DST: variants seen among roughly 807,000 people sequenced by gnomAD.
DST encodes the protein dystonin, also known as bullous pemphigoid antigen.
A neutral mutation model predicts 875.2 loss-of-function variants in DST; 253 were observed. The ratio of observed to expected loss-of-function variants is 0.29; its 90% CI spans 0.26 to 0.32. DST has a LOEUF of 0.32. Ranked by LOEUF, DST falls within the 10% of genes least tolerant of loss-of-function variation. The pLI is 1.00. For synonymous variants in DST, 3,124 were observed against 3,197.1 expected (o/e 0.98, Z 0.77); for missense variants, 8,287 against 9,111.6 (o/e 0.91, Z 3.68).
chr6:56,604,272 A>G lies in DST; in HGVS notation c.10356T>C (p.Asp3452=), dbSNP rs777627220. 25 of 1,611,768 alleles carry G rather than the reference A, an allele frequency of 1.6e-5. No individual in the cohort carries two copies. The South Asian group carries it at 2.6e-4, about 17-fold the overall frequency. ...SELLLNILKQ[D]QHSQKITGVF... is the part of the protein sequence containing the mutation. ...CTCCTGTAATTTTTTGGCTATGTTG[A>G]TCTTGCTTCAATATATTAAGGAGAA... is the stretch of plus-strand genomic sequence containing the variant. The change falls in exon 40 of 104, where the codon GAT becomes GAC. Residue 3452 remains aspartate (D), a synonymous_variant. Transcript: ENST00000680361.
intron 3 of DST, among the ~76,000 whole-genome samples, chr6:56,872,424 A>G (rs1286268428): frequency 1.3e-5 from 2 of 152,170 alleles, no homozygotes; most frequent in Non-Finnish European, 2.9e-5. Context: ...CAAGAGGATG[A>G]GGTGGAGGAA....
chr6:56,855,946 AT>A (rs1274748020), intron 3 of DST, among the ~76,000 whole-genome samples: 2 of 151,508 alleles, frequency 1.3e-5, no homozygotes, highest in African/African-American at 4.9e-5. Flanking sequence ...CCAGGAATTC[AT>A]TTTTTTTTCT....
At chr6:56,585,587 T>C (rs1237611532) in intron 49 of DST, among the ~76,000 whole-genome samples, 1 of 152,190 alleles carries the variant, frequency 6.6e-6, no homozygotes, top group African/African-American at 2.4e-5. Context: ...TTTGTGTCTC[T>C]ATTTCCTTCA....
chr6:56,594,532 T>C (rs1472148318), intron 47 of DST, among the ~76,000 whole-genome samples: 3 of 152,228 alleles, frequency 2.0e-5, no homozygotes, highest in Non-Finnish European at 4.4e-5. Context: ...TATTCCCTGC[T>C]TTCTCACAAC....
Position 56,908,048 on chromosome 6 carries a change from G to A in DST, c.217-7427C>T, listed in dbSNP as rs1797172009. Among the ~76,000 whole-genome samples the A allele has an allele frequency of 3.3e-5, 5 of 150,030 alleles. No individual in the cohort carries two copies. The South Asian group carries it at 1.0e-3, about 31-fold the overall frequency. On this transcript the variant is annotated intron_variant, in intron 2 of 103. Transcript: ENST00000680361. ...TGCACCACTGCACTCCAGCCTGGGAGGCGGAGTGAGACTTCGTCAAAACAA... is the reference window on the plus strand; with the variant it reads ...TGCACCACTGCACTCCAGCCTGGGAAGCGGAGTGAGACTTCGTCAAAACAA...
intron 91 of DST, 134 bp from the exon 92 acceptor site, chr6:56,476,471 G>A: frequency 1.4e-6 from 1 of 719,938 alleles, no homozygotes; most frequent in Middle Eastern, 3.2e-4. Context: ...GGTCTTTTTA[G>A]ATTCCATTAG....
Position 56,606,625 on chromosome 6 carries a change from G to A in DST, c.8003C>T (p.Ser2668Phe), listed in dbSNP as rs267601088. 1.2e-6 allele frequency: 2 copies of A among 1,613,378 alleles called. No homozygotes were observed. Among genetic ancestry groups the A allele is most frequent in the African/African-American group, 2.7e-5 (2 of 74,854 alleles). The change falls in exon 40 of 104, where the codon TCC becomes TTC. Residue 2668 changes from serine to phenylalanine, a missense_variant. Physicochemically the swap from Ser to Phe is radical, Grantham distance 155. Around this residue, in one of 10 missense-constraint regions of DST, gnomAD observed 3,138 missense variants for 3,116.6 expected, o/e 1.01. Coordinates refer to ENST00000680361, the MANE Select transcript of DST (RefSeq NM_001374736.1). ...FYDVSKENEN[S>F]MVPQGAPVGS... ...AACTGGTGCCCCCTGGGGAACCATGGAATTTTCATTCTCTTTTGAGACATC... is the reference window on the plus strand; with the variant it reads ...AACTGGTGCCCCCTGGGGAACCATGAAATTTTCATTCTCTTTTGAGACATC...
intron 9 of DST, among the ~76,000 whole-genome samples, chr6:56,682,378 G>A (rs138249403): frequency 3.9e-5 from 6 of 152,184 alleles, no homozygotes; most frequent in East Asian, 3.9e-4. Flanking sequence ...CTCAAAAACT[G>A]ACATAAAAAT....
chr6:56,629,458 T>A lies in DST; in HGVS notation c.4282-15A>T. 1 of 1,595,096 alleles carries A rather than the reference T, an allele frequency of 6.3e-7. No homozygotes were observed. Among genetic ancestry groups the A allele is most frequent in the South Asian group, 1.1e-5 (1 of 90,628 alleles). ...GATCTCCATTGCTAAAATACATTAA[T>A]TGGTAAAAGTTATAAAAATGTTAAC... On this transcript the variant is annotated splice_polypyrimidine_tract_variant and intron_variant, in intron 31 of 103. Coordinates refer to ENST00000680361, the MANE Select transcript of DST (RefSeq NM_001374736.1).
In DST at chr6:56,640,467, T is replaced by G. The variant is rs1357819424; in HGVS notation, c.2166A>C (p.Ala722=). 5 of 1,614,222 alleles carry G rather than the reference T, an allele frequency of 3.1e-6. No homozygotes were observed. The highest frequency in any genetic ancestry group is 3.4e-6 in the Non-Finnish European group (4 of 1,180,036). The change falls in exon 18 of 104, where the codon GCA becomes GCC. Residue 722 remains alanine, a synonymous_variant. Coordinates refer to ENST00000680361, the MANE Select transcript of DST (RefSeq NM_001374736.1). ...AGGTCAGACTAGGGTGTAAGGTCTG[T>G]GCAAATCCTGAGTTTAAACTTTGAG... ...GITQSLNSGF[A]QTLHPSLTSG... is the part of the protein sequence containing the mutation.
rs3793136 is a variant in DST at position 56,621,317 on chromosome 6, T to C, written c.4929+3213A>G. 3.9e-3 allele frequency among the ~76,000 whole-genome samples: 592 copies of C among 152,356 alleles called. 25 individuals carry two copies. The East Asian group carries it at 0.094, about 24-fold the overall frequency. On this transcript the variant is annotated intron_variant, in intron 36 of 103. Transcript: ENST00000680361. ...ATAACATGGGGAAGAAGGAAAATTA[T>C]ACAAAAACTTGAAATTTCTAAAGTC...
intron 4 of DST, among the ~76,000 whole-genome samples, chr6:56,771,453 G>A (rs1033813967): frequency 6.6e-6 from 1 of 152,120 alleles, no homozygotes; most frequent in Admixed American, 6.5e-5. Flanking sequence ...ATAATTTCCT[G>A]TACTGAATGC....
intron 69 of DST, among the ~76,000 whole-genome samples, chr6:56,523,213 T>C (rs1191852768): frequency 6.6e-6 from 1 of 152,090 alleles, no homozygotes; most frequent in Non-Finnish European, 1.5e-5. Context: ...GTGGTATCAG[T>C]GAATGTACAA....
At chr6:56,599,875 T>C (rs2098427577) in intron 45 of DST, among the ~76,000 whole-genome samples, 194 bp downstream of exon 45, 1 of 152,054 alleles carries the variant, frequency 6.6e-6, no homozygotes, top group African/African-American at 2.4e-5. Context: ...GTCAAAAAAA[T>C]TACCTAGCTT....
chr6:56,559,648 C>T (rs571403422), intron 58 of DST, among the ~76,000 whole-genome samples: 5 of 152,108 alleles, frequency 3.3e-5, no homozygotes, highest in Admixed American at 2.0e-4. Context: ...AAATTATTAC[C>T]GTTCTCTTAC....
intron 100 of DST, 182 bp from the exon 101 acceptor site, chr6:56,463,946 C>T (rs1221548423): frequency 2.7e-6 from 2 of 731,656 alleles, no homozygotes; most frequent in Non-Finnish European, 4.9e-6. Context: ...CTTTACAATG[C>T]ATTCCTTTTG....
Position 56,578,875 on chromosome 6 carries a change from T to G in DST, c.12966A>C (p.Glu4322Asp). Residue 4322 changes from glutamate (E) to aspartate (D), a missense_variant, in exon 50 of 104, where the codon GAA (glutamate) becomes GAC (aspartate). By Grantham distance (45) the Glu-to-Asp change is conservative. Around this residue, in one of 10 missense-constraint regions of DST, gnomAD observed 1,513 missense variants for 1,677.8 expected, o/e 0.90. Coordinates refer to ENST00000680361, the MANE Select transcript of DST (RefSeq NM_001374736.1). ...AAGATCCCCTGGCATCTAAAAGCAC[T>G]TCAGCCGTTTTCTTCAGTTTCTCTA... ...VAVEKLKKTA[E>D]VLLDARGSLL... 6.2e-7 allele frequency: 1 copy of G among 1,609,656 alleles called. No homozygotes were observed. The highest frequency in any genetic ancestry group is 8.5e-7 in the Non-Finnish European group (1 of 1,177,962).
intron 2 of DST, among the ~76,000 whole-genome samples, chr6:56,914,239 A>G (rs1273345124): frequency 6.6e-6 from 1 of 152,226 alleles, no homozygotes. Flanking sequence ...CATATTAAGT[A>G]AGGAACCAAC....
At chr6:56,564,461 G>A (rs1359018614) in intron 55 of DST, among the ~76,000 whole-genome samples, 4 of 152,190 alleles carry the variant, frequency 2.6e-5, no homozygotes, top group South Asian at 2.1e-4. Flanking sequence ...AACAGCTTAA[G>A]GAGATTTTGG....
Sources: gnomAD v4.1 joint callset for allele counts (sites outside exome capture counted in the v4.1 genomes callset) on GRCh38, gnomAD v4.1.1 for gene constraint, gnomAD v4.1.1 regional missense constraint, MANE v1.5 for transcripts, NCBI Gene and HGNC (gene_info 2026-07-23, HGNC 2026-07-21) for gene names.